The following TRAPPC3 variants were observed in gnomAD, a reference collection of about 807,000 sequenced individuals.
TRAPPC3 encodes the protein trafficking protein particle complex 3.
In TRAPPC3, 5 loss-of-function variants were observed where a neutral mutation model predicts 18.2. That is an observed-to-expected ratio of 0.28 (90% confidence interval 0.14 to 0.58). The LOEUF (loss-of-function observed/expected upper bound fraction) is 0.58, where lower values mean the gene tolerates loss of function less well. Ranked by LOEUF, TRAPPC3 falls within the 20% of genes least tolerant of loss-of-function variation. The pLI is 0.91. For synonymous variants in TRAPPC3, 65 were observed against 84.2 expected, an observed-to-expected ratio of 0.77 and a Z score of 1.25; for missense variants, 176 against 225.9, an observed-to-expected ratio of 0.78 and a Z score of 1.41.
chr1:36,139,421 G>C, intron 3 of TRAPPC3: 1 of 274,492 alleles, frequency 3.6e-6, no homozygotes, highest in Admixed American at 4.9e-5. Flanking sequence ...CTCCCAAAGT[G>C]CTAGGATTAC....
chr1:36,148,808 C>T (rs1644237330), intron 1 of TRAPPC3, among the ~76,000 whole-genome samples: 1 of 152,174 alleles, frequency 6.6e-6, no homozygotes, highest in African/African-American at 2.4e-5. Context: ...AGTATCTGAA[C>T]ATCTCTCACA....
chr1:36,144,054 G>A (rs1644155282), intron 1 of TRAPPC3, among the ~76,000 whole-genome samples: 1 of 152,090 alleles, frequency 6.6e-6, no homozygotes, highest in African/African-American at 2.4e-5. Flanking sequence ...TTGGGAGGCC[G>A]AGGCGGGCGG....
chr1:36,142,360 C>T (rs1644129764), intron 1 of TRAPPC3, among the ~76,000 whole-genome samples: 1 of 152,156 alleles, frequency 6.6e-6, no homozygotes, highest in Non-Finnish European at 1.5e-5. Flanking sequence ...AACAATCCAG[C>T]AGTTACCAGT....
At chr1:36,145,941 CT>C (rs948922657) in intron 1 of TRAPPC3, among the ~76,000 whole-genome samples, 18 of 142,604 alleles carry the variant, frequency 1.3e-4, no homozygotes, top group African/African-American at 2.1e-4. Flanking sequence ...GCCCGGCTAA[CT>C]TTTTTTTTTG....
chr1:36,150,160 G>A (rs1485896489), upstream of TRAPPC3, among the ~76,000 whole-genome samples: 4 of 152,136 alleles, frequency 2.6e-5, no homozygotes, highest in Non-Finnish European at 4.4e-5. Context: ...TGTCGTGGCC[G>A]TCAGTTCTGA....
intron 1 of TRAPPC3, among the ~76,000 whole-genome samples, chr1:36,141,233 C>A (rs1029990509): frequency 2.0e-5 from 3 of 152,116 alleles, no homozygotes; most frequent in Non-Finnish European, 4.4e-5. Flanking sequence ...AATACCAAGA[C>A]TGAAGAATGA....
At chr1:36,151,419 ACTT>A (rs559469253), upstream of TRAPPC3, among the ~76,000 whole-genome samples, 21 of 152,186 alleles carry the variant, frequency 1.4e-4, no homozygotes, top group Non-Finnish European at 2.8e-4. Context: ...TTGTTTATTT[ACTT>A]TTTTAACAAA....
At chr1:36,138,024 C>G in intron 3 of TRAPPC3, 46 bp from the exon 4 acceptor site, 2 of 1,610,590 alleles carry the variant, frequency 1.2e-6, no homozygotes, top group African/African-American at 2.7e-5. Context: ...GCAGCAGGAA[C>G]TGTACCACAG....
At chr1:36,153,686 C>T (rs977607140), upstream of TRAPPC3, among the ~76,000 whole-genome samples, 3 of 152,162 alleles carry the variant, frequency 2.0e-5, no homozygotes, top group East Asian at 1.9e-4. Context: ...ACACACCCCC[C>T]GCCCACCGCC....
intron 1 of TRAPPC3, among the ~76,000 whole-genome samples, chr1:36,146,592 T>TAAA (rs58611478): frequency 3.3e-4 from 27 of 82,880 alleles, no homozygotes; most frequent in Middle Eastern, 5.4e-3. Context: ...CCTACTTCAT[T>TAAA]AAAAAAAAAA....
intron 1 of TRAPPC3, chr1:36,148,942 A>G (rs1644239545): frequency 3.3e-6 from 2 of 604,320 alleles, no homozygotes; most frequent in Non-Finnish European, 2.2e-6. Flanking sequence ...ATATGGGCAA[A>G]TTACGTAAGC....
intron 1 of TRAPPC3, among the ~76,000 whole-genome samples, chr1:36,144,325 A>G (rs1644161870): frequency 6.6e-6 from 1 of 150,820 alleles, no homozygotes; most frequent in African/African-American, 2.4e-5. Context: ...GGCAAGTCAT[A>G]AAGAAAGAAG....
At chr1:36,147,285 T>G (rs1285412604) in intron 1 of TRAPPC3, among the ~76,000 whole-genome samples, 1 of 152,004 alleles carries the variant, frequency 6.6e-6, no homozygotes, top group Non-Finnish European at 1.5e-5. Flanking sequence ...ATCGGGCCAC[T>G]GCACTCCAGC....
At chr1:36,151,694 A>G (rs1644272670), upstream of TRAPPC3, among the ~76,000 whole-genome samples, 1 of 151,842 alleles carries the variant, frequency 6.6e-6, no homozygotes, top group Non-Finnish European at 1.5e-5. Flanking sequence ...CCAAATCCCA[A>G]CCCTCCTTAC....
chr1:36,145,498 C>T (rs1436165396), intron 1 of TRAPPC3, among the ~76,000 whole-genome samples: 10 of 152,158 alleles, frequency 6.6e-5, no homozygotes, highest in Admixed American at 3.9e-4. Context: ...AGTGCTACTA[C>T]GTAAGTAATG....
intron 3 of TRAPPC3, among the ~76,000 whole-genome samples, chr1:36,138,961 G>A (rs1406953191): frequency 2.1e-5 from 3 of 145,716 alleles, no homozygotes; most frequent in African/African-American, 5.1e-5. Context: ...ATTTGAACCC[G>A]GGGGGCGGAG....
upstream of TRAPPC3, among the ~76,000 whole-genome samples, chr1:36,153,663 G>A (rs1644287166): frequency 6.6e-6 from 1 of 152,176 alleles, no homozygotes; most frequent in African/African-American, 2.4e-5. Flanking sequence ...CGCGGTAGCT[G>A]CCATGTTTAG....
At chr1:36,138,290 G>A in intron 3 of TRAPPC3, 2 of 1,531,482 alleles carry the variant, frequency 1.3e-6, no homozygotes, top group Non-Finnish European at 1.8e-6. Flanking sequence ...CTTCTCAGTG[G>A]AAGGGAGCAC....
At chr1:36,148,794 G>A (rs1219796477) in intron 1 of TRAPPC3, among the ~76,000 whole-genome samples, 1 of 152,106 alleles carries the variant, frequency 6.6e-6, no homozygotes, top group Non-Finnish European at 1.5e-5. Context: ...TTTCTGGCAC[G>A]ACCAGTATCT....
Sources: gnomAD v4.1 joint callset for allele counts (sites outside exome capture counted in the v4.1 genomes callset) on GRCh38, gnomAD v4.1.1 for gene constraint, MANE v1.5 for transcripts, NCBI Gene and HGNC (gene_info 2026-07-23, HGNC 2026-07-21) for gene names.